The following PAX3 variants were observed in gnomAD, a reference collection of about 807,000 sequenced individuals.
The protein encoded by PAX3 is paired box 3.
In PAX3, 14 loss-of-function variants were observed where a neutral mutation model predicts 51.6. That is an observed-to-expected ratio of 0.27 (90% confidence interval 0.18 to 0.42). The LOEUF is 0.42. Ranked by LOEUF, PAX3 falls within the 10% of genes least tolerant of loss-of-function variation. The pLI is 1.00. For missense variants in PAX3, 540 were observed against 642.8 expected (o/e 0.84, Z 1.73); for synonymous variants, 280 against 253.4 (o/e 1.11, Z -1.00).
intron 5 of PAX3, chr2:222,221,626 A>G (rs943755591): frequency 1.5e-5 from 7 of 478,760 alleles, no homozygotes; most frequent in African/African-American, 1.4e-4. Flanking sequence ...GCCCCCATGA[A>G]CCTTATGAGG....
chr2:222,206,621 T>G (rs1278394796), intron 7 of PAX3, among the ~76,000 whole-genome samples: 1 of 152,186 alleles, frequency 6.6e-6, no homozygotes, highest in African/African-American at 2.4e-5. Context: ...AATAGGTTGT[T>G]TATATCTTGA....
intron 4 of PAX3, among the ~76,000 whole-genome samples, chr2:222,293,104 C>T (rs1031218074): frequency 3.9e-5 from 6 of 152,200 alleles, no homozygotes; most frequent in African/African-American, 1.4e-4. Flanking sequence ...GCTGTGAGCC[C>T]ACCTGGAAAG....
In PAX3 at chr2:222,221,236, G is replaced by A. The variant is rs2234675; in HGVS notation, c.944C>T (p.Thr315Ile). The change falls in exon 6 of 9, where the codon ACA becomes ATA. Residue 315 changes from threonine to isoleucine, a missense_variant. Thr to Ile is a moderately conservative substitution (Grantham distance 89). Transcript: ENST00000392070. Reference protein sequence around the residue: ...YQLSETSYQPTSIPQAVSDPS... With the variant: ...YQLSETSYQPISIPQAVSDPS... ...TTCCTCGGTACCTTGTGGAATAGAT[G>A]TGGGCTGGTAAGAGGTCTCCGACAG... The A allele has an allele frequency of 6.2e-7, 1 of 1,613,948 alleles. No individual in the cohort carries two copies. The highest frequency in any genetic ancestry group is 1.1e-5 in the South Asian group (1 of 91,078).
At chr2:222,220,387 T>G in intron 6 of PAX3, 33 bp from the exon 7 acceptor site, 1 of 1,605,326 alleles carries the variant, frequency 6.2e-7, no homozygotes, top group Non-Finnish European at 8.5e-7. Flanking sequence ...CCATCATGTT[T>G]TCTTTTAGGC....
In PAX3 at chr2:222,298,479, C is replaced by G. The variant is rs553874321; in HGVS notation, c.85+52G>C. On this transcript the variant is annotated intron_variant, in intron 1 of 8. Coordinates refer to ENST00000392070, the MANE Select transcript of PAX3 (RefSeq NM_181458.4). Reference sequence around the variant, plus strand: ...TGCGGAGCCTGGGGATGGGGTGAGGCAGCCGGTCCCAGGCCCTGGGATCCA... The same window carrying G: ...TGCGGAGCCTGGGGATGGGGTGAGGGAGCCGGTCCCAGGCCCTGGGATCCA... The G allele has an allele frequency of 3.4e-6, 5 of 1,462,016 alleles. No homozygotes were observed. The East Asian group carries it at 7.3e-5, about 21-fold the overall frequency. 90.6% of individuals were successfully genotyped at this position (1,462,016 alleles called of 1,614,324 possible). A position where few individuals can be genotyped will look rare whatever the true frequency, so the allele number is the denominator to read the frequency against.
At position 222,255,398 on chromosome 2, in the gene PAX3, C is replaced by T. The variant is rs77791521; in HGVS notation, c.587-23115G>A. 9.8e-5 allele frequency among the ~76,000 whole-genome samples: 15 copies of T among 152,318 alleles called. No individual in the cohort carries two copies. The East Asian group carries it at 2.9e-3, about 29-fold the overall frequency. On this transcript the variant is annotated intron_variant, in intron 4 of 8. Coordinates refer to ENST00000392070, the MANE Select transcript of PAX3 (RefSeq NM_181458.4). ...TCTCATGCAAATCATCTACCAGCACCTGCATCAGAATCACCTGAGCTCTTT... is the reference window on the plus strand; with the variant it reads ...TCTCATGCAAATCATCTACCAGCACTTGCATCAGAATCACCTGAGCTCTTT...
chr2:222,212,471 C>A (rs1047840251), intron 7 of PAX3, among the ~76,000 whole-genome samples: 1 of 152,142 alleles, frequency 6.6e-6, no homozygotes, highest in Non-Finnish European at 1.5e-5. Context: ...CATTGATCAG[C>A]AGAGGTGCAA....
At chr2:222,201,704 T>C (rs1187955297) in intron 8 of PAX3, 1 of 1,455,178 alleles carries the variant, frequency 6.9e-7, no homozygotes, top group African/African-American at 1.4e-5. Flanking sequence ...GTGTTTTACC[T>C]AGTGGCAATC....
At chr2:222,229,728 A>G (rs1222583728) in intron 5 of PAX3, among the ~76,000 whole-genome samples, 2 of 152,084 alleles carry the variant, frequency 1.3e-5, no homozygotes, top group Non-Finnish European at 2.9e-5. Context: ...CAAACTAACT[A>G]TTCTCCCAAT....
Position 222,221,233 on chromosome 2 carries a change from G to T in PAX3, c.947C>A (p.Ser316Tyr), listed in dbSNP as rs763098498. 1 of 1,613,862 alleles carries T rather than the reference G, an allele frequency of 6.2e-7. No individual in the cohort carries two copies. Among genetic ancestry groups the T allele is most frequent in the African/African-American group, 1.3e-5 (1 of 74,902 alleles). The stretch of plus-strand genomic sequence containing the variant: ...CTCTTCCTCGGTACCTTGTGGAATA[G>T]ATGTGGGCTGGTAAGAGGTCTCCGA... ...QLSETSYQPT[S>Y]IPQAVSDPSS... Residue 316 changes from serine to tyrosine, a missense_variant, in exon 6 of 9, where the codon TCT becomes TAT. By Grantham distance (144) the Ser-to-Tyr change is moderately radical (BLOSUM62 -2). Coordinates refer to ENST00000392070, the MANE Select transcript of PAX3 (RefSeq NM_181458.4).
At chr2:222,297,568 A>G (rs1259374944) in intron 1 of PAX3, among the ~76,000 whole-genome samples, 1 of 152,156 alleles carries the variant, frequency 6.6e-6, no homozygotes, top group Non-Finnish European at 1.5e-5. Context: ...AGAGAAGTTC[A>G]CCCAGGAGCT....
intron 5 of PAX3, among the ~76,000 whole-genome samples, chr2:222,230,778 C>T (rs2106092470): frequency 6.6e-6 from 1 of 150,528 alleles, no homozygotes; most frequent in East Asian, 2.0e-4. Context: ...TCGCTTGAAC[C>T]CAGGAGGCAG....
chr2:222,266,814 C>A (rs1192660438), intron 4 of PAX3, among the ~76,000 whole-genome samples: 1 of 152,194 alleles, frequency 6.6e-6, no homozygotes, highest in Non-Finnish European at 1.5e-5. Context: ...TCCCAAATAT[C>A]ATACAGATCC....
At chr2:222,270,424 G>A (rs924734065) in intron 4 of PAX3, among the ~76,000 whole-genome samples, 4 of 152,076 alleles carry the variant, frequency 2.6e-5, no homozygotes, top group East Asian at 3.9e-4. Flanking sequence ...TGTTTCCATC[G>A]GTCTCCAAAA....
intron 4 of PAX3, among the ~76,000 whole-genome samples, chr2:222,238,234 T>G (rs1288697603): frequency 2.0e-5 from 3 of 152,152 alleles, no homozygotes; most frequent in Non-Finnish European, 2.9e-5. Flanking sequence ...ACCATGAAGT[T>G]TAATTAAAGA....
intron 4 of PAX3, among the ~76,000 whole-genome samples, chr2:222,286,313 G>T (rs1694832595): frequency 6.6e-6 from 1 of 152,226 alleles, no homozygotes; most frequent in Non-Finnish European, 1.5e-5. Context: ...CCAGAATTCA[G>T]TTGATATTCA....
chr2:222,268,352 T>C (rs1365031213), intron 4 of PAX3, among the ~76,000 whole-genome samples: 2 of 152,216 alleles, frequency 1.3e-5, no homozygotes, highest in Non-Finnish European at 2.9e-5. Flanking sequence ...CTTCTGTTGT[T>C]TTTTTGCTTT....
intron 4 of PAX3, among the ~76,000 whole-genome samples, chr2:222,268,183 T>C (rs1379501039): frequency 6.6e-6 from 1 of 152,208 alleles, no homozygotes; most frequent in African/African-American, 2.4e-5. Context: ...GGGGCCTCTT[T>C]AAAGGCTGGT....
chr2:222,260,362 T>G (rs1693798710), intron 4 of PAX3, among the ~76,000 whole-genome samples: 1 of 152,022 alleles, frequency 6.6e-6, no homozygotes. Context: ...AGCAAGACCT[T>G]TCTCAAAAAG....
Sources: gnomAD v4.1 joint callset for allele counts (sites outside exome capture counted in the v4.1 genomes callset) on GRCh38, gnomAD v4.1.1 for gene constraint, MANE v1.5 for transcripts, NCBI Gene and HGNC (gene_info 2026-07-23, HGNC 2026-07-21) for gene names.